The following STX6 variants were observed in gnomAD, a reference collection of about 807,000 sequenced individuals.
STX6 encodes the protein syntaxin 6, also known as syntaxin-6.
A neutral mutation model predicts 38.0 loss-of-function variants in STX6; 23 were observed. The ratio of observed to expected loss-of-function variants is 0.60; its 90% CI spans 0.43 to 0.86. The LOEUF (loss-of-function observed/expected upper bound fraction) is 0.86. Among genes scored for constraint, STX6 ranks in the 40% least tolerant of loss-of-function variants. STX6 has a pLI of 0.00. For synonymous variants in STX6, 123 were observed against 107.5 expected, an observed-to-expected ratio of 1.14 and a Z score of -0.89; for missense variants, 274 against 312.9, an observed-to-expected ratio of 0.88 and a Z score of 0.94.
At position 180,993,414 on chromosome 1, in the gene STX6, A is replaced by T. The variant is rs139158369; in HGVS notation, c.312T>A (p.Asp104Glu). Residue 104 changes from aspartate (D) to glutamate (E), a missense_variant, in exon 4 of 8, where the codon GAT (aspartate) becomes GAA (glutamate). Physicochemically the swap from Asp to Glu is conservative, Grantham distance 45. Coordinates refer to ENST00000258301, the MANE Select transcript of STX6 (RefSeq NM_005819.6). ...CCTGCACAGATGAAGTTGACATCTG[A>T]TCTTTCATGTCCTAATGAGAAAGAA... ...STRQVVRDMK[D>E]QMSTSSVQAL... 122 of 1,592,712 alleles carry T rather than the reference A, an allele frequency of 7.7e-5. No homozygotes were observed. Among genetic ancestry groups the T allele is most frequent in the African/African-American group, 7.0e-4 (52 of 74,640 alleles).
intron 7 of STX6, among the ~76,000 whole-genome samples, chr1:180,976,871 C>T (rs1214187227): frequency 1.3e-5 from 2 of 152,132 alleles, no homozygotes; most frequent in African/African-American, 2.4e-5. Flanking sequence ...GAAAATGTCT[C>T]GTAATAATTA....
At chr1:180,984,559 G>A in intron 7 of STX6, 118 bp downstream of exon 7, 1 of 459,310 alleles carries the variant, frequency 2.2e-6, no homozygotes, top group Non-Finnish European at 4.0e-6. Flanking sequence ...AAAAAAAAGA[G>A]AAAGGGATCT....
At chr1:180,992,297 G>C (rs1434189890) in intron 4 of STX6, among the ~76,000 whole-genome samples, 2 of 152,132 alleles carry the variant, frequency 1.3e-5, no homozygotes, top group Non-Finnish European at 2.9e-5. Flanking sequence ...GCAAGAAAAG[G>C]AAACAGGAAA....
chr1:181,021,611 CA>C (rs533442377), intron 1 of STX6, among the ~76,000 whole-genome samples: 2 of 152,152 alleles, frequency 1.3e-5, no homozygotes, highest in African/African-American at 4.8e-5. Flanking sequence ...TTGCAGTTTT[CA>C]GATTTTTCAT....
At chr1:181,012,786 C>T (rs113299499) in intron 1 of STX6, among the ~76,000 whole-genome samples, 34 of 151,728 alleles carry the variant, frequency 2.2e-4, no homozygotes, top group African/African-American at 6.5e-4. Flanking sequence ...GCAATTACCC[C>T]GCTTCAGCCT....
intron 1 of STX6, among the ~76,000 whole-genome samples, chr1:181,019,837 T>C (rs982539062): frequency 1.3e-5 from 2 of 152,168 alleles, no homozygotes; most frequent in Non-Finnish European, 2.9e-5. Flanking sequence ...AATTCAGTTA[T>C]CAAAAACCTT....
At chr1:181,012,549 C>T (rs893489912) in intron 1 of STX6, among the ~76,000 whole-genome samples, 1 of 152,128 alleles carries the variant, frequency 6.6e-6, no homozygotes, top group African/African-American at 2.4e-5. Context: ...CACAGGACCA[C>T]TTGCAATGCA....
chr1:180,997,298 A>G (rs1182331245), intron 3 of STX6, among the ~76,000 whole-genome samples: 4 of 152,232 alleles, frequency 2.6e-5, no homozygotes, highest in Non-Finnish European at 5.9e-5. Context: ...CCTGGGTAAT[A>G]CAGGACCCAC....
intron 7 of STX6, among the ~76,000 whole-genome samples, chr1:180,984,089 A>AAC (rs1655498563): frequency 1.0e-5 from 1 of 96,896 alleles, no homozygotes; most frequent in African/African-American, 3.2e-5. Flanking sequence ...AAAAAAAAAA[A>AAC]ACACAACGAA....
At chr1:181,008,027 T>C (rs1459793456) in intron 1 of STX6, among the ~76,000 whole-genome samples, 2 of 152,222 alleles carry the variant, frequency 1.3e-5, no homozygotes, top group Admixed American at 6.5e-5. Context: ...TACAGATACA[T>C]ACTTGGAAAA....
chr1:180,999,818 A>G (rs1218254209), intron 3 of STX6, among the ~76,000 whole-genome samples: 2 of 152,236 alleles, frequency 1.3e-5, no homozygotes, highest in African/African-American at 4.8e-5. Flanking sequence ...AAGAACTAAC[A>G]TAAATTTGTA....
intron 1 of STX6, among the ~76,000 whole-genome samples, chr1:181,010,674 G>GTA (rs1296097747): frequency 6.6e-6 from 1 of 151,912 alleles, no homozygotes; most frequent in Non-Finnish European, 1.5e-5. Context: ...AGCTGATGAG[G>GTA]AATACCACAG....
chr1:180,981,234 T>C (rs1199421378), intron 7 of STX6, among the ~76,000 whole-genome samples: 1 of 152,060 alleles, frequency 6.6e-6, no homozygotes, highest in Non-Finnish European at 1.5e-5. Context: ...ACCACCGTGA[T>C]GCTTGATGTC....
chr1:180,987,183 G>A (rs993469170), intron 6 of STX6, among the ~76,000 whole-genome samples: 3 of 152,056 alleles, frequency 2.0e-5, no homozygotes, highest in African/African-American at 7.2e-5. Flanking sequence ...CATCTTCACA[G>A]GTGCATTTTC....
chr1:180,977,453 A>C (rs890418184), intron 7 of STX6, among the ~76,000 whole-genome samples: 7 of 152,184 alleles, frequency 4.6e-5, no homozygotes, highest in Non-Finnish European at 8.8e-5. Flanking sequence ...GTGAGAATTA[A>C]ACAACACAAC....
chr1:181,000,240 G>A (rs1300369325), intron 3 of STX6, among the ~76,000 whole-genome samples: 1 of 152,184 alleles, frequency 6.6e-6, no homozygotes, highest in Non-Finnish European at 1.5e-5. Context: ...TTGAAGTACT[G>A]ACTTGATTTG....
rs946071530 is a variant in STX6 at position 180,975,483 on chromosome 1, A to G, written c.*1087T>C. The G allele has an allele frequency of 3.9e-5, 6 of 152,390 alleles. No homozygotes were observed. Among genetic ancestry groups the G allele is most frequent in the Non-Finnish European group, 8.8e-5 (6 of 67,996 alleles). 9.4% of individuals were successfully genotyped at this position (152,390 alleles called of 1,614,324 possible). ...ATAAAATCAAGCTGTCATCTTAGGG[A>G]AAAAAAAGAACCAAGTTTACCTACA... is the stretch of plus-strand genomic sequence containing the variant. On this transcript the variant is annotated 3_prime_UTR_variant, in exon 8 of 8. Transcript: ENST00000258301.
chr1:181,006,802 C>A (rs1656235446), intron 1 of STX6, among the ~76,000 whole-genome samples: 1 of 152,146 alleles, frequency 6.6e-6, no homozygotes, highest in Non-Finnish European at 1.5e-5. Context: ...AGGTCTATGG[C>A]ATACTGATGA....
At chr1:181,002,569 T>G (rs778156543) in intron 3 of STX6, 37 bp downstream of exon 3, 2 of 1,491,340 alleles carry the variant, frequency 1.3e-6, no homozygotes, top group South Asian at 2.3e-5. Flanking sequence ...TCTGGCTATT[T>G]CTTATACAGA....
Sources: allele counts gnomAD v4.1 joint callset (sites outside exome capture counted in the v4.1 genomes callset), GRCh38; gene constraint gnomAD v4.1.1; transcripts MANE v1.5; gene names NCBI Gene and HGNC (gene_info 2026-07-23, HGNC 2026-07-21).